The following ADAMTSL1 variants were observed in gnomAD, a reference collection of about 807,000 sequenced individuals.
The protein encoded by ADAMTSL1 is ADAMTS-like protein 1.
ADAMTSL1 carries 126 observed loss-of-function variants against 201.8 expected under a neutral mutation model. The ratio of observed to expected loss-of-function variants is 0.62; its 90% CI spans 0.54 to 0.72. The LOEUF is 0.72. Ranked by LOEUF, ADAMTSL1 falls within the 30% of genes least tolerant of loss-of-function variation. The pLI is 0.00. For synonymous variants in ADAMTSL1, 1,121 were observed against 903.4 expected, an observed-to-expected ratio of 1.24 and a Z score of -4.32; for missense variants, 2,679 against 2,277.8, an observed-to-expected ratio of 1.18 and a Z score of -3.59.
intron 20 of ADAMTSL1, among the ~76,000 whole-genome samples, chr9:18,805,165 T>C (rs117568739): frequency 0.015 from 2,349 of 152,320 alleles, 41 homozygotes; most frequent in South Asian, 0.086. Flanking sequence ...GTGGGTACTT[T>C]TTGGAATCTT....
chr9:18,191,959 C>A (rs1312156079), intron 2 of ADAMTSL1, among the ~76,000 whole-genome samples: 1 of 152,046 alleles, frequency 6.6e-6, no homozygotes, highest in Non-Finnish European at 1.5e-5. Flanking sequence ...GTGTAACTGG[C>A]CCTCTGATAA....
At chr9:17,949,559 G>A (rs183093043) in intron 1 of ADAMTSL1, among the ~76,000 whole-genome samples, 15 of 152,218 alleles carry the variant, frequency 9.9e-5, no homozygotes, top group South Asian at 2.1e-4. Context: ...AACTGAGACC[G>A]TCATTTTGTT....
intron 14 of ADAMTSL1, chr9:18,718,066 A>G (rs769346085): frequency 6.0e-6 from 9 of 1,495,070 alleles, no homozygotes; most frequent in Non-Finnish European, 8.4e-6. Flanking sequence ...AGATCTCATT[A>G]ACATTTATTT....
Position 18,533,228 on chromosome 9 carries a change from T to C in ADAMTSL1, c.192-19T>C. 6.2e-7 allele frequency: 1 copy of C among 1,600,082 alleles called. No homozygotes were observed. The highest frequency in any genetic ancestry group is 1.1e-5 in the South Asian group (1 of 88,604). On this transcript the variant is annotated intron_variant, in intron 2 of 28. Transcript: ENST00000380548. ...CTTTTCATAAGTAGTAATATTTCTT[T>C]TTTCTTTTTGCAACTTAGGAGCTGT...
rs143334077 is a variant in ADAMTSL1, at chr9:18,574,144, C to G, written c.352C>G (p.Pro118Ala). ...TCCTGTGTCTAATGACCCTGACAACCCATGTTCACTCAAGTGCCAAGCCAA... is the reference window on the plus strand; with the variant it reads ...TCCTGTGTCTAATGACCCTGACAACGCATGTTCACTCAAGTGCCAAGCCAA... ...WLPVSNDPDN[P>A]CSLKCQAKGT... Residue 118 changes from proline to alanine, a missense_variant, in exon 4 of 29, where the codon CCA (proline) becomes GCA (alanine). Pro to Ala is a conservative substitution (Grantham distance 27, BLOSUM62 -1). Transcript: ENST00000380548. 6.2e-7 allele frequency: 1 copy of G among 1,614,120 alleles called. No individual in the cohort carries two copies. Among genetic ancestry groups the G allele is most frequent in the African/African-American group, 1.3e-5 (1 of 75,042 alleles).
intron 5 of ADAMTSL1, chr9:18,622,617 C>T: frequency 1.7e-6 from 1 of 587,252 alleles, no homozygotes; most frequent in Non-Finnish European, 3.0e-6. Flanking sequence ...CATGGGGCTA[C>T]AAATACTTTC....
At chr9:18,763,400 A>G (rs900060029) in intron 16 of ADAMTSL1, among the ~76,000 whole-genome samples, 1 of 151,646 alleles carries the variant, frequency 6.6e-6, no homozygotes, top group Admixed American at 6.6e-5. Flanking sequence ...TCTGGTTATT[A>G]CTCCCTTGTC....
intron 1 of ADAMTSL1, among the ~76,000 whole-genome samples, chr9:18,121,426 T>C (rs1825492412): frequency 6.6e-6 from 1 of 152,178 alleles, no homozygotes; most frequent in South Asian, 2.1e-4. Flanking sequence ...CATTATAGGG[T>C]CAGTCCCTAA....
At chr9:18,809,985 G>T (rs189775033) in intron 20 of ADAMTSL1, among the ~76,000 whole-genome samples, 2 of 152,288 alleles carry the variant, frequency 1.3e-5, no homozygotes, top group Non-Finnish European at 2.9e-5. Flanking sequence ...TCCAGCCAGA[G>T]ATTATGGTAG....
chr9:18,233,870 C>T (rs1015254633), intron 2 of ADAMTSL1, among the ~76,000 whole-genome samples: 3 of 152,132 alleles, frequency 2.0e-5, no homozygotes, highest in Non-Finnish European at 4.4e-5. Flanking sequence ...AAGGGAGGCA[C>T]AGTATGGTGC....
At chr9:18,755,225 G>C (rs896520834) in intron 16 of ADAMTSL1, among the ~76,000 whole-genome samples, 7 of 152,176 alleles carry the variant, frequency 4.6e-5, no homozygotes, top group African/African-American at 1.7e-4. Flanking sequence ...TTTATACTAA[G>C]TTACCTCTAA....
intron 4 of ADAMTSL1, among the ~76,000 whole-genome samples, chr9:18,600,072 G>C (rs1003843045): frequency 6.6e-6 from 1 of 150,852 alleles, no homozygotes; most frequent in African/African-American, 2.4e-5. Context: ...ACATCTGATA[G>C]AGCTGAAATG....
chr9:18,141,088 A>T (rs1826378106), intron 1 of ADAMTSL1, among the ~76,000 whole-genome samples: 1 of 152,162 alleles, frequency 6.6e-6, no homozygotes, highest in Admixed American at 6.5e-5. Context: ...TCACATTTTT[A>T]TTGAGTGACT....
At chr9:18,768,224 G>A (rs1162744263) in intron 16 of ADAMTSL1, among the ~76,000 whole-genome samples, 1 of 152,308 alleles carries the variant, frequency 6.6e-6, no homozygotes, top group East Asian at 1.9e-4. Flanking sequence ...GTGCTGATCA[G>A]GCTGGGAGCC....
intron 2 of ADAMTSL1, among the ~76,000 whole-genome samples, chr9:18,445,684 T>G (rs1472943006): frequency 6.6e-6 from 1 of 152,148 alleles, no homozygotes; most frequent in Non-Finnish European, 1.5e-5. Flanking sequence ...GATTCCCTAC[T>G]TGACTGGAGA....
At chr9:18,391,098 A>C (rs1395707116) in intron 2 of ADAMTSL1, among the ~76,000 whole-genome samples, 2 of 152,158 alleles carry the variant, frequency 1.3e-5, no homozygotes, top group Non-Finnish European at 2.9e-5. Context: ...CTCCATTGCT[A>C]TTTAATAACA....
intron 3 of ADAMTSL1, among the ~76,000 whole-genome samples, chr9:18,570,480 A>G (rs1822227348): frequency 6.6e-6 from 1 of 152,226 alleles, no homozygotes; most frequent in African/African-American, 2.4e-5. Flanking sequence ...GTTCAAACAA[A>G]GAATGTTTGC....
chr9:18,615,020 T>C (rs1825610385), intron 4 of ADAMTSL1, among the ~76,000 whole-genome samples: 1 of 152,178 alleles, frequency 6.6e-6, no homozygotes, highest in Non-Finnish European at 1.5e-5. Flanking sequence ...ATAAATACAG[T>C]AAGGGTCAGG....
At chr9:18,742,014 G>A (rs1360430409) in intron 15 of ADAMTSL1, among the ~76,000 whole-genome samples, 1 of 152,126 alleles carries the variant, frequency 6.6e-6, no homozygotes, top group Non-Finnish European at 1.5e-5. Context: ...TCTAAGTAGA[G>A]TGCTACAGCA....
Sources: allele counts gnomAD v4.1 joint callset (sites outside exome capture counted in the v4.1 genomes callset), GRCh38; gene constraint gnomAD v4.1.1; transcripts MANE v1.5; gene names NCBI Gene and HGNC (gene_info 2026-07-23, HGNC 2026-07-21).